HECTD4: variants seen among roughly 807,000 people sequenced by gnomAD.
HECTD4 encodes probable E3 ubiquitin-protein ligase HECTD4.
HECTD4 carries 114 observed loss-of-function variants against 471.5 expected under a neutral mutation model. That is an observed-to-expected ratio of 0.24 (90% CI 0.21 to 0.28). HECTD4 has a LOEUF of 0.28. Among genes scored for constraint, HECTD4 ranks in the 10% least tolerant of loss-of-function variants. The pLI, the probability that HECTD4 is intolerant of heterozygous loss-of-function variation, is 1.00. For missense variants in HECTD4, 3,866 were observed against 5,651.5 expected, an observed-to-expected ratio of 0.68 and a Z score of 10.13; for synonymous variants, 2,012 against 2,256.0, an observed-to-expected ratio of 0.89 and a Z score of 3.07.
At chr12:112,309,058 A>T (rs952693819) in intron 5 of HECTD4, among the ~76,000 whole-genome samples, 167 bp from the exon 6 acceptor site, 1 of 152,252 alleles carries the variant, frequency 6.6e-6, no homozygotes, top group Non-Finnish European at 1.5e-5. Flanking sequence ...GGACTGCCAA[A>T]CTATAGCAAA....
At chr12:112,323,124 T>A (rs1225936756) in intron 1 of HECTD4, 1 of 183,776 alleles carries the variant, frequency 5.4e-6, no homozygotes, top group Non-Finnish European at 1.1e-5. Flanking sequence ...ATGCCTGTTA[T>A]CCCAGCACTT....
intron 7 of HECTD4, among the ~76,000 whole-genome samples, chr12:112,284,696 A>G (rs1345108909): frequency 6.6e-6 from 1 of 152,182 alleles, no homozygotes; most frequent in Non-Finnish European, 1.5e-5. Context: ...GGCAATCTCA[A>G]TGGTCCACCA....
At chr12:112,214,290 C>T (rs1235208424) in intron 48 of HECTD4, among the ~76,000 whole-genome samples, 4 of 152,138 alleles carry the variant, frequency 2.6e-5, no homozygotes, top group African/African-American at 9.7e-5. Flanking sequence ...GCACGTGTGG[C>T]CTTATAATTT....
chr12:112,219,637 T>C, intron 44 of HECTD4, 148 bp from the exon 45 acceptor site: 1 of 534,146 alleles, frequency 1.9e-6, no homozygotes, highest in Non-Finnish European at 3.3e-6. Flanking sequence ...TTTCGTTCTA[T>C]TGCCCAGGCT....
chr12:112,190,771 G>T lies in HECTD4; in HGVS notation c.9472+15C>A. On this transcript the variant is annotated intron_variant, in intron 60 of 75. Coordinates refer to ENST00000682272, the MANE Select transcript of HECTD4 (RefSeq NM_001388303.1). ...CCCCACCCTAGATTCCGATCCCCAG[G>T]GAAGGCAGCCTCACCTAGCAGCTCC... 1.3e-6 allele frequency: 2 copies of T among 1,561,408 alleles called. No homozygotes were observed. Among genetic ancestry groups the T allele is most frequent in the East Asian group, 2.4e-5 (1 of 42,200 alleles).
intron 7 of HECTD4, among the ~76,000 whole-genome samples, chr12:112,296,394 T>C (rs1359400640): frequency 3.8e-5 from 5 of 131,912 alleles, no homozygotes; most frequent in Admixed American, 1.6e-4. Context: ...GTAGGTGGAG[T>C]GGATGTGGGT....
intron 7 of HECTD4, among the ~76,000 whole-genome samples, chr12:112,295,844 T>C (rs1193311074): frequency 1.4e-5 from 2 of 147,368 alleles, no homozygotes; most frequent in African/African-American, 2.6e-5. Context: ...CACACACACA[T>C]AGTGATGTGG....
At chr12:112,374,510 GC>G (rs1566129118) in intron 1 of HECTD4, among the ~76,000 whole-genome samples, 1 of 152,148 alleles carries the variant, frequency 6.6e-6, no homozygotes, top group African/African-American at 2.4e-5. Context: ...AAGCCTGAAA[GC>G]CTGTTGGGCC....
chr12:112,302,495 C>T (rs1441136688), intron 7 of HECTD4: 5 of 739,714 alleles, frequency 6.8e-6, no homozygotes, highest in South Asian at 2.8e-5. Context: ...CCTGACATAG[C>T]GGGCCATTTC....
intron 55 of HECTD4, among the ~76,000 whole-genome samples, chr12:112,197,942 TC>T (rs1355996239): frequency 6.6e-6 from 1 of 152,164 alleles, no homozygotes; most frequent in Non-Finnish European, 1.5e-5. Context: ...ATCAAGTGAT[TC>T]TCATGCTTCA....
At chr12:112,189,135 G>C (rs1039046228) in intron 60 of HECTD4, among the ~76,000 whole-genome samples, 4 of 152,102 alleles carry the variant, frequency 2.6e-5, no homozygotes, top group Admixed American at 6.6e-5. Context: ...CTGGATCATA[G>C]GTGTGAACCA....
At chr12:112,277,443 C>T (rs1314971784) in intron 9 of HECTD4, among the ~76,000 whole-genome samples, 2 of 152,212 alleles carry the variant, frequency 1.3e-5, no homozygotes, top group South Asian at 4.1e-4. Flanking sequence ...GATAAAACAA[C>T]TTGGAACCAA....
At chr12:112,355,283 G>T (rs1594069855) in intron 1 of HECTD4, among the ~76,000 whole-genome samples, 1 of 65,732 alleles carries the variant, frequency 1.5e-5, no homozygotes, top group Admixed American at 2.4e-4. Flanking sequence ...CGCCAAATGG[G>T]ATTCAAAAAA....
chr12:112,210,553 AC>A (rs1352630451), intron 49 of HECTD4, among the ~76,000 whole-genome samples: 18 of 152,162 alleles, frequency 1.2e-4, no homozygotes, highest in African/African-American at 4.3e-4. Flanking sequence ...TCTACCTGAC[AC>A]CAGCACCCAT....
chr12:112,201,195 G>A, intron 54 of HECTD4: 1 of 399,918 alleles, frequency 2.5e-6, no homozygotes. Flanking sequence ...CCAGGTTCAA[G>A]AGATTCTCCT....
At position 112,235,006 on chromosome 12, in the gene HECTD4, C is replaced by A; in HGVS notation, c.5915+71G>T. 7.1e-7 allele frequency: 1 copy of A among 1,403,150 alleles called. No individual in the cohort carries two copies. 86.9% of individuals were successfully genotyped at this position (1,403,150 alleles called of 1,614,324 possible). A position where few individuals can be genotyped will look rare whatever the true frequency, so the allele number is the denominator to read the frequency against. On this transcript the variant is annotated intron_variant, in intron 37 of 75. Transcript: ENST00000682272. The surrounding 1 kb of genome is among the most constrained non-coding windows in gnomAD (Gnocchi z 5.0). Reference sequence around the variant, plus strand: ...CGAGGCAGTCGATACATGTACAGGGCTTACTTAGCACAGTGCCTGTGACAT... The same window carrying A: ...CGAGGCAGTCGATACATGTACAGGGATTACTTAGCACAGTGCCTGTGACAT...
At chr12:112,210,666 A>G (rs1206595618) in intron 49 of HECTD4, among the ~76,000 whole-genome samples, 1 of 152,230 alleles carries the variant, frequency 6.6e-6, no homozygotes, top group Non-Finnish European at 1.5e-5. Flanking sequence ...AGATTAAGAG[A>G]TACAAGATCA....
intron 1 of HECTD4, among the ~76,000 whole-genome samples, chr12:112,369,228 T>G (rs974459827): frequency 1.3e-5 from 2 of 152,188 alleles, no homozygotes; most frequent in Non-Finnish European, 2.9e-5. Context: ...CAGAAAACTC[T>G]GGCTTCTTTG....
At chr12:112,371,993 G>A (rs1372789176) in intron 1 of HECTD4, among the ~76,000 whole-genome samples, 1 of 151,894 alleles carries the variant, frequency 6.6e-6, no homozygotes, top group African/African-American at 2.4e-5. Flanking sequence ...ATGTTGATGG[G>A]ATAGTTTTGC....
Sources: allele counts gnomAD v4.1 joint callset (sites outside exome capture counted in the v4.1 genomes callset), GRCh38; gene constraint gnomAD v4.1.1; non-coding constraint Gnocchi (gnomAD v3.1); transcripts MANE v1.5; gene names NCBI Gene and HGNC (gene_info 2026-07-23, HGNC 2026-07-21).